The following CACNA1A variants were observed in gnomAD, a reference collection of about 807,000 sequenced individuals.
CACNA1A encodes voltage-dependent P/Q-type calcium channel subunit alpha-1A.
CACNA1A carries 57 observed loss-of-function variants against 262.4 expected under a neutral mutation model. That is an observed-to-expected ratio of 0.22 (90% CI 0.18 to 0.27). The LOEUF (loss-of-function observed/expected upper bound fraction) is 0.27, where lower values mean the gene tolerates loss of function less well. Ranked by LOEUF, CACNA1A falls within the 10% of genes least tolerant of loss-of-function variation. The pLI is 1.00. For synonymous variants in CACNA1A, 1,431 were observed against 1,419.3 expected, an observed-to-expected ratio of 1.01 and a Z score of -0.18; for missense variants, 2,526 against 3,562.8, an observed-to-expected ratio of 0.71 and a Z score of 7.41.
rs1410465819 is a variant in CACNA1A, at chr19:13,312,708, C to T, written c.1629G>A (p.Arg543=). The change falls in exon 12 of 47, where the codon CGG becomes CGA. Residue 543 remains arginine (R), a synonymous_variant. Transcript: ENST00000360228. ...MFIKMYGLGT[R]PYFHSSFNCF... Reference sequence around the variant, plus strand: ...AGTTGAAGGAAGAGTGGAAGTAAGGCCGCGTCCCAAGCCCGTACATTTTTA... The same window carrying T: ...AGTTGAAGGAAGAGTGGAAGTAAGGTCGCGTCCCAAGCCCGTACATTTTTA... 1 of 1,595,196 alleles carries T rather than the reference C, an allele frequency of 6.3e-7. No individual in the cohort carries two copies. Among genetic ancestry groups the T allele is most frequent in the African/African-American group, 1.4e-5 (1 of 73,440 alleles).
At chr19:13,489,187 T>C (rs57657141) in intron 1 of CACNA1A, among the ~76,000 whole-genome samples, 1,824 of 151,760 alleles carry the variant, frequency 0.012, 43 homozygotes, top group African/African-American at 0.041. Flanking sequence ...AATTTTTGTA[T>C]TTTTAGTAGA....
chr19:13,491,663 G>A (rs915851501), intron 1 of CACNA1A, among the ~76,000 whole-genome samples: 6 of 152,126 alleles, frequency 3.9e-5, no homozygotes, highest in East Asian at 1.9e-4. Context: ...CTGCCATTTC[G>A]CTTTGAAATA....
At position 13,452,927 on chromosome 19, in the gene CACNA1A, G is replaced by A. The variant is rs1555789107; in HGVS notation, c.488C>T (p.Ser163Phe). 1 of 1,613,634 alleles carries A rather than the reference G, an allele frequency of 6.2e-7. No homozygotes were observed. Among genetic ancestry groups the A allele is most frequent in the Non-Finnish European group, 8.5e-7 (1 of 1,179,604 alleles). Residue 163 changes from serine (S) to phenylalanine (F), a missense_variant, in exon 3 of 47, where the codon TCC (serine) becomes TTC (phenylalanine). Transcript: ENST00000360228. ...GACATTCCAGCCATTCCTCAAGTAG[G>A]AGCCTTTGTGGAAGGCAAACCCAAG... ...IALGFAFHKG[S>F]YLRNGWNVMD...
chr19:13,268,931 C>T (rs986250836), intron 24 of CACNA1A, among the ~76,000 whole-genome samples: 122 of 134,038 alleles, frequency 9.1e-4, no homozygotes, highest in African/African-American at 3.4e-3. Context: ...TGGATTCTCA[C>T]TCTGTTGCCA....
chr19:13,383,852 G>A (rs898484241), intron 3 of CACNA1A, among the ~76,000 whole-genome samples: 3 of 152,138 alleles, frequency 2.0e-5, no homozygotes, highest in African/African-American at 7.2e-5. Context: ...ATCTCACTCT[G>A]TCACCCAGGC....
intron 1 of CACNA1A, among the ~76,000 whole-genome samples, chr19:13,484,021 A>T (rs1979676304): frequency 6.6e-6 from 1 of 152,140 alleles, no homozygotes; most frequent in African/African-American, 2.4e-5. Context: ...TATTTGCAAA[A>T]GAGTATGTTT....
intron 6 of CACNA1A, among the ~76,000 whole-genome samples, chr19:13,358,344 T>C (rs1225904788): frequency 6.6e-6 from 1 of 152,056 alleles, no homozygotes; most frequent in Non-Finnish European, 1.5e-5. Context: ...GGCGGGAGGA[T>C]TGCTTGAGCC....
intron 4 of CACNA1A, among the ~76,000 whole-genome samples, chr19:13,366,983 G>C (rs1442895993): frequency 6.6e-6 from 1 of 152,058 alleles, no homozygotes; most frequent in African/African-American, 2.4e-5. Flanking sequence ...GATTCACCCA[G>C]AGAATGCATG....
At position 13,209,333 on chromosome 19, in the gene CACNA1A, G is replaced by C. The variant is rs375354077; in HGVS notation, c.6505C>G (p.Arg2169Gly). Reference sequence around the variant, plus strand: ...CCACCTGTGTCCACATCGGTGTAGCGGCCCAGGGAGCGCTCAGAGGCGCGG... The same window carrying C: ...CCACCTGTGTCCACATCGGTGTAGCCGCCCAGGGAGCGCTCAGAGGCGCGG... ...SHRASERSLG[R>G]YTDVDTGLGT... Residue 2169 changes from arginine (R) to glycine (G), a missense_variant, in exon 45 of 47, where the codon CGC becomes GGC. Around this residue, in one of 17 missense-constraint regions of CACNA1A, gnomAD observed 929 missense variants for 868.1 expected, o/e 1.07. Coordinates refer to ENST00000360228, the MANE Select transcript of CACNA1A (RefSeq NM_001127222.2). 2.9e-6 allele frequency: 4 copies of C among 1,393,220 alleles called. No homozygotes were observed. The allele number at this position is 1,393,220 out of a possible 1,614,324, so 86.3% of individuals were successfully genotyped here.
At chr19:13,271,211 G>GTTTTT in intron 24 of CACNA1A, 5 of 106,266 alleles carry the variant, frequency 4.7e-5, no homozygotes, top group African/African-American at 1.9e-4. Flanking sequence ...GAATCATTCT[G>GTTTTT]CTGTTTTTTT....
chr19:13,471,550 G>A (rs936890485), intron 1 of CACNA1A, among the ~76,000 whole-genome samples: 3 of 152,132 alleles, frequency 2.0e-5, no homozygotes, highest in East Asian at 1.9e-4. Context: ...CACCACCCAA[G>A]GTCAAGCCAC....
In CACNA1A at chr19:13,224,772, G is replaced by A. The variant is rs2055372401; in HGVS notation, c.5626C>T (p.Arg1876Trp). ...KKCPARVAYK[R>W]LLRMDLPVAD... is the part of the protein sequence containing the mutation. The stretch of plus-strand genomic sequence containing the variant: ...ACGGGCAGGTCCATCCGCAGAAGCC[G>A]CTACAGAAAACCCAAGGCAAGCGCA... Residue 1876 changes from arginine to tryptophan, a missense_variant and splice_region_variant, in exon 38 of 47, where the codon CGG becomes TGG. Arg to Trp is a moderately radical substitution (Grantham distance 101). Transcript: ENST00000360228. 1.2e-6 allele frequency: 2 copies of A among 1,603,304 alleles called. No homozygotes were observed. Among genetic ancestry groups the A allele is most frequent in the Non-Finnish European group, 1.7e-6 (2 of 1,174,934 alleles).
In CACNA1A at chr19:13,335,916, G is replaced by C. The variant is rs1375150525; in HGVS notation, c.979-7C>G. On this transcript the variant is annotated splice_region_variant and splice_polypyrimidine_tract_variant and intron_variant, in intron 6 of 46. Coordinates refer to ENST00000360228, the MANE Select transcript of CACNA1A (RefSeq NM_001127222.2). ...TCCCTGAGGCATCGTTGCTCTGTAG[G>C]GTGTGAGGAGGGAAAGCAGGTGAGA... 2 of 1,554,042 alleles carry C rather than the reference G, an allele frequency of 1.3e-6. No individual in the cohort carries two copies. The highest frequency in any genetic ancestry group is 1.8e-5 in the Admixed American group (1 of 55,724).
chr19:13,379,303 C>T (rs1344519855), intron 3 of CACNA1A, among the ~76,000 whole-genome samples: 3 of 152,032 alleles, frequency 2.0e-5, no homozygotes, highest in East Asian at 1.9e-4. Flanking sequence ...AAGGTATGTA[C>T]ATTTTTTTTT....
intron 1 of CACNA1A, among the ~76,000 whole-genome samples, chr19:13,474,240 C>T (rs989050753): frequency 6.6e-6 from 1 of 152,216 alleles, no homozygotes; most frequent in African/African-American, 2.4e-5. Context: ...GAATCTCTTA[C>T]AACCATGAAG....
rs935058657 is a variant in CACNA1A at position 13,271,221 on chromosome 19, T to TTTG, written c.3989+4628_3989+4629insCAA. ...CAAAAGAATCATTCTGCTGTTTTTT[T>TTTG]TTTTTTTTTTTTTTTTTGAGATGGA... On this transcript the variant is annotated intron_variant, in intron 24 of 46. Transcript: ENST00000360228. 3.7e-3 allele frequency: 513 copies of TTTG among 137,972 alleles called. 6 individuals are homozygous for TTTG. Among genetic ancestry groups the TTTG allele is most frequent in the African/African-American group, 0.014 (487 of 35,968 alleles). 8.5% of individuals were successfully genotyped at this position (137,972 alleles called of 1,614,324 possible). A position where few individuals can be genotyped will look rare whatever the true frequency, so the allele number is the denominator to read the frequency against.
At chr19:13,403,252 T>A (rs1485798124) in intron 3 of CACNA1A, among the ~76,000 whole-genome samples, 2 of 151,978 alleles carry the variant, frequency 1.3e-5, no homozygotes, top group African/African-American at 4.8e-5. Context: ...GCTAAATAAA[T>A]GTTGATCTGA....
chr19:13,433,675 CT>C (rs759908794), intron 3 of CACNA1A, among the ~76,000 whole-genome samples: 2 of 151,912 alleles, frequency 1.3e-5, no homozygotes, highest in Non-Finnish European at 2.9e-5. Flanking sequence ...CTCAGAATCT[CT>C]GGGAGGCACC....
chr19:13,215,325 TG>T (rs67964444), intron 38 of CACNA1A: 54,355 of 90,168 alleles, frequency 0.6, 15,442 homozygotes, highest in Middle Eastern at 0.66. Context: ...GTTTTTTTTT[TG>T]TTTTTTTTTT....
Sources: allele counts gnomAD v4.1 joint callset (sites outside exome capture counted in the v4.1 genomes callset), GRCh38; gene constraint gnomAD v4.1.1; regional missense constraint gnomAD v4.1.1; transcripts MANE v1.5; gene names NCBI Gene and HGNC (gene_info 2026-07-23, HGNC 2026-07-21).